Variants in PSKH1 observed in about 807,000 individuals in gnomAD.
PSKH1 encodes the protein serine/threonine-protein kinase H1.
PSKH1 carries 12 observed loss-of-function variants against 26.7 expected under a neutral mutation model. The observed-to-expected ratio is 0.45, with a 90% CI of 0.29 to 0.73. The LOEUF (loss-of-function observed/expected upper bound fraction) is 0.73, where lower values mean the gene tolerates loss of function less well. Ranked by LOEUF, PSKH1 falls within the 30% of genes least tolerant of loss-of-function variation. The pLI is 0.11. For missense variants in PSKH1, 431 were observed against 595.2 expected (o/e 0.72, Z 2.87); for synonymous variants, 213 against 234.3 (o/e 0.91, Z 0.83).
chr16:67,896,209 A>G (rs1054123422), intron 1 of PSKH1, among the ~76,000 whole-genome samples: 3 of 151,968 alleles, frequency 2.0e-5, no homozygotes, highest in Non-Finnish European at 4.4e-5. Context: ...CCCAGGTTCA[A>G]GCAATTCTCC....
At position 67,909,190 on chromosome 16, in the gene PSKH1, G is replaced by C; in HGVS notation, c.441G>C (p.Leu147=). 1 of 1,614,170 alleles carries C rather than the reference G, an allele frequency of 6.2e-7. No individual in the cohort carries two copies. The stretch of plus-strand genomic sequence containing the variant: ...TGTGTGAGTCGGAGCTGCGTGTGCT[G>C]CGTCGGGTGCGTCATGCCAACATCA... ...REVCESELRV[L]RRVRHANIIQ... is the part of the protein sequence containing the mutation. Residue 147 remains leucine (L), a synonymous_variant, in exon 2 of 3, where the codon CTG becomes CTC. Coordinates refer to ENST00000291041, the MANE Select transcript of PSKH1 (RefSeq NM_006742.3). The surrounding 1 kb of genome is among the most constrained non-coding windows in gnomAD (Gnocchi z 7.8).
intron 2 of PSKH1, among the ~76,000 whole-genome samples, chr16:67,926,543 C>T (rs1341207683): frequency 6.6e-6 from 1 of 152,196 alleles, no homozygotes; most frequent in Non-Finnish European, 1.5e-5. Context: ...AACCTGAGGC[C>T]CTGAGACAGA....
intron 1 of PSKH1, among the ~76,000 whole-genome samples, chr16:67,894,511 C>T (rs1331245848): frequency 2.0e-5 from 3 of 152,240 alleles, no homozygotes; most frequent in Non-Finnish European, 4.4e-5. Flanking sequence ...CCACCGACCA[C>T]CTACCAGTGT....
At chr16:67,923,431 G>A (rs1227606211) in intron 2 of PSKH1, among the ~76,000 whole-genome samples, 1 of 152,118 alleles carries the variant, frequency 6.6e-6, no homozygotes, top group Non-Finnish European at 1.5e-5. Flanking sequence ...CCTCACTCAC[G>A]CAGCAGTGTC....
At chr16:67,917,730 C>T (rs1255690262) in intron 2 of PSKH1, among the ~76,000 whole-genome samples, 1 of 152,118 alleles carries the variant, frequency 6.6e-6, no homozygotes, top group African/African-American at 2.4e-5. Flanking sequence ...GGCTGCTGGC[C>T]ACAGCTGCCT....
chr16:67,898,625 CT>C (rs141319654), intron 1 of PSKH1, among the ~76,000 whole-genome samples: 240 of 138,988 alleles, frequency 1.7e-3, no homozygotes, highest in Admixed American at 2.2e-3. Flanking sequence ...TTCTTTCTTT[CT>C]TTTTTTTTTT....
At chr16:67,897,916 TG>T (rs1401745617) in intron 1 of PSKH1, among the ~76,000 whole-genome samples, 5 of 152,096 alleles carry the variant, frequency 3.3e-5, no homozygotes, top group Non-Finnish European at 7.4e-5. Flanking sequence ...GGCGCCATCT[TG>T]GCTCATTGCA....
chr16:67,914,800 G>A (rs1482533431), intron 2 of PSKH1, among the ~76,000 whole-genome samples: 1 of 152,184 alleles, frequency 6.6e-6, no homozygotes, highest in Non-Finnish European at 1.5e-5. Flanking sequence ...AGCTTGAGAA[G>A]CTGATTGTGT....
chr16:67,923,143 C>T (rs1279995360), intron 2 of PSKH1, among the ~76,000 whole-genome samples: 1 of 152,132 alleles, frequency 6.6e-6, no homozygotes, highest in Non-Finnish European at 1.5e-5. Context: ...AGTAGGACTC[C>T]ACTGCCTAGG....
intron 2 of PSKH1, among the ~76,000 whole-genome samples, chr16:67,918,722 G>T (rs2058194295): frequency 6.6e-6 from 1 of 151,612 alleles, no homozygotes; most frequent in African/African-American, 2.4e-5. Flanking sequence ...CTCCCAAGTA[G>T]CTGGGATTAT....
At position 67,905,462 on chromosome 16, in the gene PSKH1, C is replaced by T. The variant is rs147045125; in HGVS notation, c.-70-3218C>T. The stretch of plus-strand genomic sequence containing the variant: ...TCTGACTCATTCTTGCTTCAAAATT[C>T]AGCATAGAGGTTACCTCCTTCAGGA... On this transcript the variant is annotated intron_variant, in intron 1 of 2. Coordinates refer to ENST00000291041, the MANE Select transcript of PSKH1 (RefSeq NM_006742.3). Among the ~76,000 whole-genome samples the T allele has an allele frequency of 1.6e-3, 246 of 152,318 alleles. 2 individuals carry two copies. The highest frequency in any genetic ancestry group is 5.2e-3 in the African/African-American group (217 of 41,576).
At chr16:67,908,203 A>T (rs1209080470) in intron 1 of PSKH1, among the ~76,000 whole-genome samples, 2 of 152,080 alleles carry the variant, frequency 1.3e-5, no homozygotes, top group East Asian at 3.9e-4. Context: ...CCCTGTGTTG[A>T]GTCTGGGCTC....
In PSKH1 at chr16:67,927,679, C is replaced by T; in HGVS notation, c.*37C>T. 1 of 1,563,238 alleles carries T rather than the reference C, an allele frequency of 6.4e-7. No homozygotes were observed. Among genetic ancestry groups the T allele is most frequent in the Non-Finnish European group, 8.6e-7 (1 of 1,158,940 alleles). On this transcript the variant is annotated 3_prime_UTR_variant, in exon 3 of 3. Coordinates refer to ENST00000291041, the MANE Select transcript of PSKH1 (RefSeq NM_006742.3). This position sits in a 1 kb window ranked among gnomAD's most constrained non-coding sequence, Gnocchi z 5.5. ...GTGCACACATGCAGCACGACCCAGC[C>T]TGGCCACACACTGTGGTGCCATCTG...
intron 1 of PSKH1, among the ~76,000 whole-genome samples, chr16:67,896,110 TC>T (rs1406230466): frequency 1.3e-5 from 2 of 150,740 alleles, no homozygotes; most frequent in Non-Finnish European, 2.9e-5. Flanking sequence ...TCTTCTTTTT[TC>T]TTTTCTTTTT....
chr16:67,915,212 T>A (rs550170387), intron 2 of PSKH1, among the ~76,000 whole-genome samples: 2,311 of 144,410 alleles, frequency 0.016, 37 homozygotes, highest in African/African-American at 0.016. Flanking sequence ...AGAGAGAGTG[T>A]GTGTGTGTGT....
chr16:67,906,967 CTCTT>C (rs1482121472), intron 1 of PSKH1, among the ~76,000 whole-genome samples: 2 of 151,078 alleles, frequency 1.3e-5, no homozygotes, highest in Non-Finnish European at 3.0e-5. Flanking sequence ...GCCCCTCTGA[CTCTT>C]TTTTTTTTTT....
chr16:67,924,439 A>G (rs1486976580), intron 2 of PSKH1, among the ~76,000 whole-genome samples: 1 of 152,176 alleles, frequency 6.6e-6, no homozygotes, highest in Non-Finnish European at 1.5e-5. Flanking sequence ...CACTCTGAAG[A>G]TGGAGACACT....
rs1170152738 is a variant in PSKH1 at position 67,909,763 on chromosome 16, T to C, written c.957+57T>C. The C allele has an allele frequency of 1.3e-6, 2 of 1,483,120 alleles. No individual in the cohort carries two copies. The highest frequency in any genetic ancestry group is 3.6e-5 in the Admixed American group (2 of 55,314). 91.9% of individuals were successfully genotyped at this position (1,483,120 alleles called of 1,614,324 possible). A position where few individuals can be genotyped will look rare whatever the true frequency, so the allele number is the denominator to read the frequency against. ...GGGGAGGCACCTGCGGGGGCAGGTA[T>C]ATCCTGCAGCTCTCAGTCAGAGGTA... On this transcript the variant is annotated intron_variant, in intron 2 of 2. Transcript: ENST00000291041. The surrounding 1 kb of genome is among the most constrained non-coding windows in gnomAD (Gnocchi z 7.8).
At chr16:67,894,699 T>G (rs2058121128) in intron 1 of PSKH1, among the ~76,000 whole-genome samples, 1 of 152,176 alleles carries the variant, frequency 6.6e-6, no homozygotes, top group Non-Finnish European at 1.5e-5. Context: ...GTGCCTGGCA[T>G]AAAATAGGGG....
Sources: gnomAD v4.1 joint callset for allele counts (sites outside exome capture counted in the v4.1 genomes callset) on GRCh38, gnomAD v4.1.1 for gene constraint, Gnocchi (gnomAD v3.1) non-coding constraint, MANE v1.5 for transcripts, NCBI Gene and HGNC (gene_info 2026-07-23, HGNC 2026-07-21) for gene names.